The following LHFPL3 variants were observed in gnomAD, a reference collection of about 807,000 sequenced individuals.
The protein encoded by LHFPL3 is LHFPL tetraspan subfamily member 3 protein.
Under a neutral mutation model 19.3 loss-of-function variants are expected in LHFPL3, and 5 were observed. That is an observed-to-expected ratio of 0.26 (90% confidence interval 0.14 to 0.54). The LOEUF (loss-of-function observed/expected upper bound fraction) is 0.54. Ranked by LOEUF, LHFPL3 falls within the 20% of genes least tolerant of loss-of-function variation. LHFPL3 has a pLI of 0.94. For synonymous variants in LHFPL3, 133 were observed against 126.2 expected (o/e 1.05, Z -0.36); for missense variants, 249 against 307.4 (o/e 0.81, Z 1.42).
At chr7:104,877,086 T>C (rs1232581830) in intron 2 of LHFPL3, among the ~76,000 whole-genome samples, 3 of 152,002 alleles carry the variant, frequency 2.0e-5, no homozygotes, top group Non-Finnish European at 2.9e-5. Context: ...TGAGAACACA[T>C]GGACACAGGA....
chr7:104,737,867 A>G (rs1470801887), intron 2 of LHFPL3, among the ~76,000 whole-genome samples: 1 of 152,174 alleles, frequency 6.6e-6, no homozygotes, highest in Non-Finnish European at 1.5e-5. Flanking sequence ...AGTAGGTGCT[A>G]ATTTCAAAAA....
At chr7:104,790,795 C>T (rs1790009971) in intron 2 of LHFPL3, among the ~76,000 whole-genome samples, 1 of 152,174 alleles carries the variant, frequency 6.6e-6, no homozygotes, top group Non-Finnish European at 1.5e-5. Flanking sequence ...ATAACATTTT[C>T]AAGCCCCATT....
chr7:104,683,303 G>A (rs1193684171), intron 1 of LHFPL3, among the ~76,000 whole-genome samples: 8 of 152,128 alleles, frequency 5.3e-5, no homozygotes, highest in Non-Finnish European at 8.8e-5. Context: ...GGTGAATCTT[G>A]TAACCTGTTG....
intron 2 of LHFPL3, among the ~76,000 whole-genome samples, chr7:104,866,533 A>G (rs974071632): frequency 2.0e-5 from 3 of 152,236 alleles, no homozygotes; most frequent in African/African-American, 7.2e-5. Context: ...TAACTATCCT[A>G]AATATATATG....
At chr7:104,574,051 T>C (rs1790279026) in intron 1 of LHFPL3, among the ~76,000 whole-genome samples, 1 of 152,228 alleles carries the variant, frequency 6.6e-6, no homozygotes, top group South Asian at 2.1e-4. Flanking sequence ...GATCTCTTGA[T>C]TGTGTCCAAG....
chr7:104,578,677 C>T (rs534059206), intron 1 of LHFPL3, among the ~76,000 whole-genome samples: 1 of 152,144 alleles, frequency 6.6e-6, no homozygotes, highest in Non-Finnish European at 1.5e-5. Flanking sequence ...CCCACCCTAC[C>T]GTGATAGATT....
chr7:104,610,101 G>C (rs1791183946), intron 1 of LHFPL3, among the ~76,000 whole-genome samples: 1 of 152,048 alleles, frequency 6.6e-6, no homozygotes, highest in African/African-American at 2.4e-5. Flanking sequence ...GATCCCAGTT[G>C]GTTGTGTAGC....
chr7:104,514,183 GCTCT>G lies in LHFPL3; in HGVS notation c.445+184968_445+184971del, dbSNP rs370438746. 1.8e-3 allele frequency among the ~76,000 whole-genome samples: 272 copies of G among 152,008 alleles called. 1 individual carries two copies. Among genetic ancestry groups the G allele is most frequent in the Non-Finnish European group, 2.8e-3 (190 of 67,952 alleles). Reference sequence around the variant, plus strand: ...CCATTCTCTGATACAGATTCAAGAAGCTCTCTCTCTCTTTCTTTGTCTCTCTCTC... The same window carrying G: ...CCATTCTCTGATACAGATTCAAGAAGCTCTCTCTTTCTTTGTCTCTCTCTC... On this transcript the variant is annotated intron_variant, in intron 1 of 2. Transcript: ENST00000424859.
chr7:104,717,897 C>T (rs1406614749), intron 1 of LHFPL3, among the ~76,000 whole-genome samples: 1 of 152,090 alleles, frequency 6.6e-6, no homozygotes. Context: ...GGTAGAGAAA[C>T]CTACCTCTCT....
chr7:104,852,525 A>AGGCCAGGCT (rs1449903284), intron 2 of LHFPL3, among the ~76,000 whole-genome samples: 1 of 152,222 alleles, frequency 6.6e-6, no homozygotes, highest in Non-Finnish European at 1.5e-5. Flanking sequence ...AGTTGGGAAT[A>AGGCCAGGCT]GGCCAGGCTG....
At chr7:104,867,038 G>C (rs1009614759) in intron 2 of LHFPL3, among the ~76,000 whole-genome samples, 1 of 152,192 alleles carries the variant, frequency 6.6e-6, no homozygotes, top group African/African-American at 2.4e-5. Context: ...CAAGAACAAA[G>C]ACACAACATA....
chr7:104,840,195 T>A (rs898815304), intron 2 of LHFPL3, among the ~76,000 whole-genome samples: 4 of 151,888 alleles, frequency 2.6e-5, no homozygotes, highest in African/African-American at 9.7e-5. Flanking sequence ...CTTCTTTGAC[T>A]CTAACACTAA....
intron 1 of LHFPL3, among the ~76,000 whole-genome samples, chr7:104,686,293 CT>C (rs1414076075): frequency 1.3e-5 from 2 of 152,188 alleles, no homozygotes; most frequent in African/African-American, 4.8e-5. Flanking sequence ...TCCAAGGCAC[CT>C]ACACCACCAT....
chr7:104,725,305 C>T (rs1425025768), intron 1 of LHFPL3, among the ~76,000 whole-genome samples: 1 of 152,212 alleles, frequency 6.6e-6, no homozygotes, highest in East Asian at 1.9e-4. Context: ...CACACACATC[C>T]TGTTCCAGTG....
At chr7:104,486,085 G>A (rs1245465428) in intron 1 of LHFPL3, among the ~76,000 whole-genome samples, 1 of 152,158 alleles carries the variant, frequency 6.6e-6, no homozygotes, top group African/African-American at 2.4e-5. Context: ...ATAATTCTGA[G>A]TCAGATCATG....
chr7:104,487,551 G>A (rs1793261102), intron 1 of LHFPL3, among the ~76,000 whole-genome samples: 1 of 152,174 alleles, frequency 6.6e-6, no homozygotes, highest in South Asian at 2.1e-4. Context: ...GAGGAAGCTG[G>A]AGCACCCAGA....
At chr7:104,441,764 TG>T (rs1306153239) in intron 1 of LHFPL3, among the ~76,000 whole-genome samples, 1 of 152,026 alleles carries the variant, frequency 6.6e-6, no homozygotes, top group Non-Finnish European at 1.5e-5. Flanking sequence ...TTAGTAGAGT[TG>T]GGGTTTTACT....
At chr7:104,403,725 T>TTCTCTCTC (rs71786184) in intron 1 of LHFPL3, among the ~76,000 whole-genome samples, 1,806 of 143,688 alleles carry the variant, frequency 0.013, 64 homozygotes, top group African/African-American at 0.045. Context: ...TTAGTGAACA[T>TTCTCTCTC]TCTCTCTCTC....
intron 2 of LHFPL3, among the ~76,000 whole-genome samples, chr7:104,889,085 G>T (rs1584599831): frequency 2.0e-5 from 3 of 152,204 alleles, no homozygotes; most frequent in South Asian, 4.1e-4. Flanking sequence ...AAAATTGGGA[G>T]AGAAAGGAGG....
Sources: gnomAD v4.1 joint callset for allele counts (sites outside exome capture counted in the v4.1 genomes callset) on GRCh38, gnomAD v4.1.1 for gene constraint, MANE v1.5 for transcripts, NCBI Gene and HGNC (gene_info 2026-07-23, HGNC 2026-07-21) for gene names.